The following NPR3 variants were observed in gnomAD, a reference collection of about 807,000 sequenced individuals.
NPR3 encodes the protein natriuretic peptide receptor 3, also known as atrial natriuretic peptide receptor 3.
NPR3 carries 34 observed loss-of-function variants against 54.5 expected under a neutral mutation model. The observed-to-expected ratio is 0.62, with a 90% CI of 0.47 to 0.83. The LOEUF is 0.83. NPR3 is among the 40% of genes least tolerant of loss of function. The pLI, the probability that NPR3 is intolerant of heterozygous loss-of-function variation, is 0.00. For synonymous variants in NPR3, 289 were observed against 297.1 expected (o/e 0.97, Z 0.28); for missense variants, 674 against 720.8 (o/e 0.94, Z 0.74).
intron 1 of NPR3, chr5:32,713,034 G>T: frequency 2.6e-6 from 1 of 378,594 alleles, no homozygotes; most frequent in Non-Finnish European, 3.6e-6. Flanking sequence ...CCGCTCTTGG[G>T]GTTTCTCTGA....
intron 3 of NPR3, among the ~76,000 whole-genome samples, chr5:32,765,901 A>G (rs773965563): frequency 1.2e-4 from 18 of 152,232 alleles, no homozygotes; most frequent in Non-Finnish European, 2.1e-4. Context: ...GCCTGTGAAC[A>G]TGGTGGGAAG....
chr5:32,729,015 T>TG (rs1491367321), intron 2 of NPR3, among the ~76,000 whole-genome samples: 5 of 85,518 alleles, frequency 5.8e-5, no homozygotes, highest in African/African-American at 1.2e-4. Flanking sequence ...TGCCTGTGTG[T>TG]TTTTTTTTTT....
At chr5:32,771,488 T>C (rs940446285) in intron 3 of NPR3, among the ~76,000 whole-genome samples, 1 of 152,214 alleles carries the variant, frequency 6.6e-6, no homozygotes, top group African/African-American at 2.4e-5. Context: ...GTAATCTTTC[T>C]TCCTATCCTG....
At chr5:32,751,674 G>A (rs1740585418) in intron 3 of NPR3, among the ~76,000 whole-genome samples, 1 of 152,160 alleles carries the variant, frequency 6.6e-6, no homozygotes, top group South Asian at 2.1e-4. Context: ...TGATAGGGGG[G>A]TGGGATGTGT....
chr5:32,735,820 A>C (rs1739709900), intron 2 of NPR3, among the ~76,000 whole-genome samples: 1 of 152,256 alleles, frequency 6.6e-6, no homozygotes, highest in Admixed American at 6.5e-5. Flanking sequence ...GACACACCAC[A>C]GTTAGAAATG....
chr5:32,757,630 A>G (rs561019070), intron 3 of NPR3, among the ~76,000 whole-genome samples: 1 of 152,284 alleles, frequency 6.6e-6, no homozygotes, highest in Non-Finnish European at 1.5e-5. Context: ...AGGACTTCCA[A>G]CACTACGTTG....
chr5:32,708,084 A>T (rs989829927), upstream of NPR3, among the ~76,000 whole-genome samples: 1 of 150,980 alleles, frequency 6.6e-6, no homozygotes, highest in African/African-American at 2.4e-5. Context: ...TAAAAAGTCT[A>T]TTAGTTTCTG....
intron 6 of NPR3, among the ~76,000 whole-genome samples, chr5:32,784,029 T>C (rs1742478421): frequency 6.6e-6 from 1 of 152,224 alleles, no homozygotes; most frequent in Non-Finnish European, 1.5e-5. Flanking sequence ...ATGTAGGACA[T>C]TTTGACATGA....
upstream of NPR3, among the ~76,000 whole-genome samples, chr5:32,706,775 C>A (rs1458661349): frequency 2.6e-5 from 4 of 152,090 alleles, no homozygotes; most frequent in Non-Finnish European, 4.4e-5. Context: ...TTGTAAAGGG[C>A]ACTCATTTTT....
chr5:32,691,117 G>T (rs1479033191), intron 1 of NPR3, among the ~76,000 whole-genome samples: 1 of 152,202 alleles, frequency 6.6e-6, no homozygotes, highest in Non-Finnish European at 1.5e-5. Flanking sequence ...AATGGTTGCT[G>T]TTTTAAGATA....
intron 1 of NPR3, among the ~76,000 whole-genome samples, chr5:32,700,150 T>C (rs949519217): frequency 2.0e-5 from 3 of 152,134 alleles, no homozygotes; most frequent in Non-Finnish European, 4.4e-5. Flanking sequence ...CCATTGGGAG[T>C]TTCATAATTA....
At chr5:32,701,815 G>C (rs1737809717) in intron 1 of NPR3, among the ~76,000 whole-genome samples, 1 of 152,226 alleles carries the variant, frequency 6.6e-6, no homozygotes, top group Non-Finnish European at 1.5e-5. Context: ...AGACACGAAA[G>C]AGTACTCTGG....
intron 3 of NPR3, among the ~76,000 whole-genome samples, chr5:32,753,625 T>C (rs963971901): frequency 8.3e-5 from 3 of 36,098 alleles, no homozygotes; most frequent in South Asian, 1.8e-3. Flanking sequence ...CTCAGCATCC[T>C]TTTTTTTTTT....
At chr5:32,740,328 G>C (rs989640231) in intron 3 of NPR3, among the ~76,000 whole-genome samples, 2 of 152,100 alleles carry the variant, frequency 1.3e-5, no homozygotes, top group Non-Finnish European at 2.9e-5. Context: ...AGCATTTAAC[G>C]CTATCCCTGT....
chr5:32,777,229 G>A (rs1742100382), intron 4 of NPR3, among the ~76,000 whole-genome samples: 1 of 152,152 alleles, frequency 6.6e-6, no homozygotes, highest in South Asian at 2.1e-4. Context: ...TGTTTAAAAG[G>A]GGTCCTTATG....
In NPR3 at chr5:32,786,953, A is replaced by T. The variant is rs1742672133; in HGVS notation, c.*608A>T. The T allele has an allele frequency of 6.6e-6, 1 of 152,488 alleles. No homozygotes were observed. Among genetic ancestry groups the T allele is most frequent in the South Asian group, 2.1e-4 (1 of 4,828 alleles). 9.4% of individuals were successfully genotyped at this position (152,488 alleles called of 1,614,324 possible). A position where few individuals can be genotyped will look rare whatever the true frequency, so the allele number is the denominator to read the frequency against. On this transcript the variant is annotated 3_prime_UTR_variant, in exon 8 of 8. Coordinates refer to ENST00000265074, the MANE Select transcript of NPR3 (RefSeq NM_001204375.2). ...CAGTGTCTCATAAACGCTACTCTGG[A>T]TTGTTGTAAATATTAGTGAGATGGG... is the stretch of plus-strand genomic sequence containing the variant.
chr5:32,711,569 T>TTTCTTC lies in NPR3; in HGVS notation c.-206_-205insCTTCTT. On this transcript the variant is annotated 5_prime_UTR_variant, in exon 1 of 8. Transcript: ENST00000265074. ...TGAACTTTTTCTTTTTCTTTTTCTT[T>TTTCTTC]TTTTTTTAAGAAAAACTAGTGACAT... The TTTCTTC allele has an allele frequency of 1.6e-6, 2 of 1,240,214 alleles. No homozygotes were observed. The highest frequency in any genetic ancestry group is 2.0e-6 in the Non-Finnish European group (2 of 995,862). 76.8% of individuals were successfully genotyped at this position (1,240,214 alleles called of 1,614,324 possible). A position where few individuals can be genotyped will look rare whatever the true frequency, so the allele number is the denominator to read the frequency against.
rs372143651 is a variant in NPR3, at chr5:32,786,285, C to T, written c.1566C>T (p.Asn522=). The change falls in exon 8 of 8, where the codon AAC becomes AAT. Residue 522 remains asparagine, a synonymous_variant. Coordinates refer to ENST00000265074, the MANE Select transcript of NPR3 (RefSeq NM_001204375.2). ...IERRTQQEES[N]LGKHRELRED... The stretch of plus-strand genomic sequence containing the variant: ...GGCGAACCCAGCAAGAAGAAAGTAA[C>T]CTTGGAAAACATCGGGAATTACGGG... 87 of 1,591,794 alleles carry T rather than the reference C, an allele frequency of 5.5e-5. No homozygotes were observed. The highest frequency in any genetic ancestry group is 7.0e-5 in the Non-Finnish European group (81 of 1,163,220).
At chr5:32,694,772 G>A (rs1740483324) in intron 1 of NPR3, among the ~76,000 whole-genome samples, 1 of 151,838 alleles carries the variant, frequency 6.6e-6, no homozygotes, top group East Asian at 1.9e-4. Flanking sequence ...CCACCCTGTG[G>A]TGCTATAAAA....
Sources: allele counts gnomAD v4.1 joint callset (sites outside exome capture counted in the v4.1 genomes callset), GRCh38; gene constraint gnomAD v4.1.1; transcripts MANE v1.5; gene names NCBI Gene and HGNC (gene_info 2026-07-23, HGNC 2026-07-21).